LHX8: variants seen among roughly 807,000 people sequenced by gnomAD.
The protein encoded by LHX8 is LIM/homeobox protein Lhx8.
Under a neutral mutation model 40.3 loss-of-function variants are expected in LHX8, and 12 were observed. That is an observed-to-expected ratio of 0.30 (90% CI 0.19 to 0.48). The LOEUF is 0.48. LHX8 is among the 20% of genes least tolerant of loss of function. The probability of loss-of-function intolerance (pLI) is 0.99; values close to 1 mark genes in which losing one functional copy is unlikely to be tolerated. For missense variants in LHX8, 344 were observed against 433.7 expected, an observed-to-expected ratio of 0.79 and a Z score of 1.84; for synonymous variants, 179 against 162.0, an observed-to-expected ratio of 1.10 and a Z score of -0.80.
At chr1:75,158,698 A>G (rs1570307305) in intron 8 of LHX8, among the ~76,000 whole-genome samples, 1 of 152,074 alleles carries the variant, frequency 6.6e-6, no homozygotes, top group Non-Finnish European at 1.5e-5. Context: ...CTTCTGTTCT[A>G]TTTTATTGGT....
the LHX8 span, among the ~76,000 whole-genome samples, chr1:75,185,184 A>G: frequency 6.6e-6 from 1 of 152,108 alleles, no homozygotes; most frequent in Non-Finnish European, 1.5e-5. Flanking sequence ...TGTACAAAGA[A>G]GAGCTGGTAT....
intron 7 of LHX8, among the ~76,000 whole-genome samples, chr1:75,155,426 G>T (rs1014411635): frequency 1.3e-5 from 2 of 151,912 alleles, no homozygotes; most frequent in Admixed American, 6.6e-5. Context: ...AGTAGAGATG[G>T]AGTTTCACTG....
At chr1:75,156,705 T>G (rs1024886086) in intron 7 of LHX8, among the ~76,000 whole-genome samples, 188 bp from the exon 8 acceptor site, 2 of 152,192 alleles carry the variant, frequency 1.3e-5, no homozygotes, top group Non-Finnish European at 2.9e-5. Flanking sequence ...GCAAGAAAAA[T>G]GACCACTGTT....
the LHX8 span, among the ~76,000 whole-genome samples, chr1:75,170,002 A>AT: frequency 2.0e-5 from 3 of 152,122 alleles, no homozygotes; most frequent in Non-Finnish European, 2.9e-5. Context: ...TGCCAGCTCC[A>AT]TTTTTTCCTT....
intron 7 of LHX8, among the ~76,000 whole-genome samples, chr1:75,151,356 A>G (rs1648606631): frequency 6.6e-6 from 1 of 152,196 alleles, no homozygotes; most frequent in African/African-American, 2.4e-5. Flanking sequence ...AAATTTTAAG[A>G]AGGGACTAAT....
chr1:75,150,058 A>T (rs1024273765), intron 7 of LHX8, among the ~76,000 whole-genome samples: 2 of 152,134 alleles, frequency 1.3e-5, no homozygotes, highest in African/African-American at 4.8e-5. Flanking sequence ...TCTAGGCAAG[A>T]TGGTGAAACC....
chr1:75,170,239 A>G, the LHX8 span, among the ~76,000 whole-genome samples: 1 of 152,196 alleles, frequency 6.6e-6, no homozygotes, highest in South Asian at 2.1e-4. Context: ...GGTAATTGAA[A>G]TTTTAACAAG....
At chr1:75,168,542 A>G in the LHX8 span, among the ~76,000 whole-genome samples, 5 of 152,010 alleles carry the variant, frequency 3.3e-5, no homozygotes, top group African/African-American at 1.2e-4. Context: ...ATTGTTTTCA[A>G]TTTGTCCTGG....
chr1:75,141,041 C>T lies in LHX8; in HGVS notation c.294C>T (p.Ser98=), dbSNP rs750620589. 6.2e-7 allele frequency: 1 copy of T among 1,613,504 alleles called. No homozygotes were observed. The change falls in exon 4 of 9, where the codon TCC becomes TCT. Residue 98 remains serine (S), a synonymous_variant. Coordinates refer to ENST00000356261, the MANE Select transcript of LHX8 (RefSeq NM_001256114.2). The part of the protein sequence containing the change: ...RCLSCSVCRT[S]LGRHTSCYIK... ...TCTCCTGCAGTGTTTGCAGAACCTC[C>T]CTAGGAAGGCACACCAGCTGTTATA...
At chr1:75,196,236 C>T in the LHX8 span, among the ~76,000 whole-genome samples, 8 of 151,986 alleles carry the variant, frequency 5.3e-5, no homozygotes, top group East Asian at 5.8e-4. Flanking sequence ...CAATATTCTG[C>T]GGTCTTTGCT....
chr1:75,145,045 A>C (rs1648424208), intron 6 of LHX8, among the ~76,000 whole-genome samples: 1 of 152,154 alleles, frequency 6.6e-6, no homozygotes, highest in East Asian at 1.9e-4. Flanking sequence ...CATTCAGAAG[A>C]ATTTTCCAAA....
the LHX8 span, among the ~76,000 whole-genome samples, chr1:75,169,997 G>C: frequency 1.3e-5 from 2 of 152,202 alleles, no homozygotes; most frequent in African/African-American, 2.4e-5. Flanking sequence ...AGCTCTGCCA[G>C]CTCCATTTTT....
rs762176278 is a variant in LHX8, at chr1:75,143,102, C to A, written c.360-16C>A. ...GGCATTAAAATATTTACCTTCCACA[C>A]CTCTATTTAATGTAGAAGGTATGGA... On this transcript the variant is annotated splice_polypyrimidine_tract_variant and intron_variant, in intron 4 of 8. Transcript: ENST00000356261. 1.3e-6 allele frequency: 2 copies of A among 1,598,106 alleles called. No individual in the cohort carries two copies. The highest frequency in any genetic ancestry group is 2.2e-5 in the East Asian group (1 of 44,798).
At chr1:75,170,009 C>A in the LHX8 span, among the ~76,000 whole-genome samples, 1 of 152,154 alleles carries the variant, frequency 6.6e-6, no homozygotes, top group South Asian at 2.1e-4. Context: ...TCCATTTTTT[C>A]CTTTTCAGCA....
At chr1:75,130,585 C>T (rs2100322105), upstream of LHX8, 1 of 873,312 alleles carries the variant, frequency 1.1e-6, no homozygotes, top group East Asian at 2.4e-5. Flanking sequence ...TTTTGGCGAC[C>T]TCCACTGGCG....
rs1027569270 is a variant in LHX8 at position 75,134,511 on chromosome 1, G to A, written c.-456G>A. On this transcript the variant is annotated 5_prime_UTR_variant, in exon 1 of 9. Transcript: ENST00000356261. Reference sequence around the variant, plus strand: ...ACACACTTGTAGCATTATCCTTCTCGGCATCAGCTTTTATTAGTGGATCGG... The same window carrying A: ...ACACACTTGTAGCATTATCCTTCTCAGCATCAGCTTTTATTAGTGGATCGG... 2.6e-5 allele frequency among the ~76,000 whole-genome samples: 4 copies of A among 151,544 alleles called. No homozygotes were observed. Among genetic ancestry groups the A allele is most frequent in the Non-Finnish European group, 5.9e-5 (4 of 67,938 alleles).
intron 1 of LHX8, among the ~76,000 whole-genome samples, chr1:75,129,072 A>G (rs1042490456): frequency 6.6e-6 from 1 of 151,602 alleles, no homozygotes; most frequent in Admixed American, 6.6e-5. Context: ...TTCACTAAGA[A>G]CCTCCTGTGT....
the LHX8 span, among the ~76,000 whole-genome samples, chr1:75,184,132 T>C: frequency 6.6e-6 from 1 of 152,158 alleles, no homozygotes; most frequent in Non-Finnish European, 1.5e-5. Context: ...ATAAACCAAG[T>C]TCTTAGAGAC....
At chr1:75,147,828 C>T (rs1211561948) in intron 6 of LHX8, among the ~76,000 whole-genome samples, 1 of 152,204 alleles carries the variant, frequency 6.6e-6, no homozygotes, top group Non-Finnish European at 1.5e-5. Context: ...CTGGTACTCT[C>T]TCCCACACTA....
Sources: gnomAD v4.1 joint callset for allele counts (sites outside exome capture counted in the v4.1 genomes callset) on GRCh38, gnomAD v4.1.1 for gene constraint, MANE v1.5 for transcripts, NCBI Gene and HGNC (gene_info 2026-07-23, HGNC 2026-07-21) for gene names.